CLSTN2: variants seen among roughly 807,000 people sequenced by gnomAD.
CLSTN2 encodes the protein calsyntenin-2.
In CLSTN2, 48 loss-of-function variants were observed where a neutral mutation model predicts 101.2. The ratio of observed to expected loss-of-function variants is 0.47; its 90% CI spans 0.38 to 0.60. The LOEUF (loss-of-function observed/expected upper bound fraction) is 0.60, where lower values mean the gene tolerates loss of function less well. Ranked by LOEUF, CLSTN2 falls within the 20% of genes least tolerant of loss-of-function variation. The pLI is 0.00. For synonymous variants in CLSTN2, 481 were observed against 463.6 expected, an observed-to-expected ratio of 1.04 and a Z score of -0.48; for missense variants, 1,160 against 1,238.2, an observed-to-expected ratio of 0.94 and a Z score of 0.95.
At chr3:140,299,451 G>T (rs1202922355) in intron 2 of CLSTN2, among the ~76,000 whole-genome samples, 1 of 152,192 alleles carries the variant, frequency 6.6e-6, no homozygotes, top group Non-Finnish European at 1.5e-5. Context: ...GTATCTACAT[G>T]CATATTCATA....
chr3:140,546,539 T>G lies in CLSTN2; in HGVS notation c.1532T>G (p.Phe511Cys), dbSNP rs1935587525. The change falls in exon 10 of 17, where the codon TTT (phenylalanine) becomes TGT (cysteine). Residue 511 changes from phenylalanine to cysteine, a missense_variant. Coordinates refer to ENST00000458420, the MANE Select transcript of CLSTN2 (RefSeq NM_022131.3). ...GGAGGAGAAGTCACCAAACCACAGT[T>G]TGCTCAGTTCTTTCATGGAAGCCTG... The part of the protein sequence containing the change: ...WQGGEVTKPQ[F>C]AQFFHGSLAS... 6.2e-7 allele frequency: 1 copy of G among 1,613,930 alleles called. No individual in the cohort carries two copies. The highest frequency in any genetic ancestry group is 1.7e-5 in the Admixed American group (1 of 59,996).
intron 2 of CLSTN2, among the ~76,000 whole-genome samples, chr3:140,285,116 T>C (rs2086883864): frequency 6.6e-6 from 1 of 152,126 alleles, no homozygotes; most frequent in Admixed American, 6.5e-5. Flanking sequence ...GGAGGAGCCA[T>C]GTGGAACAAT....
At chr3:140,338,130 CAGA>C (rs2107934016) in intron 2 of CLSTN2, among the ~76,000 whole-genome samples, 1 of 152,228 alleles carries the variant, frequency 6.6e-6, no homozygotes, top group East Asian at 1.9e-4. Flanking sequence ...CTTTCTGATG[CAGA>C]AGGTCATTGA....
At chr3:140,067,228 G>A (rs1453852534) in intron 1 of CLSTN2, among the ~76,000 whole-genome samples, 1 of 149,722 alleles carries the variant, frequency 6.7e-6, no homozygotes, top group Admixed American at 6.7e-5. Context: ...TCCAAGCAGA[G>A]TAACACATGC....
intron 1 of CLSTN2, among the ~76,000 whole-genome samples, chr3:140,025,737 A>C (rs1196014433): frequency 6.6e-6 from 1 of 152,202 alleles, no homozygotes; most frequent in Non-Finnish European, 1.5e-5. Context: ...CAAAATCTTC[A>C]GTGATATCTG....
At chr3:140,267,048 T>C (rs2086699119) in intron 2 of CLSTN2, among the ~76,000 whole-genome samples, 1 of 152,188 alleles carries the variant, frequency 6.6e-6, no homozygotes, top group South Asian at 2.1e-4. Context: ...TTTTTATTCC[T>C]GGATTAAAGC....
chr3:139,994,756 G>A (rs1003809355), intron 1 of CLSTN2, among the ~76,000 whole-genome samples: 22 of 152,306 alleles, frequency 1.4e-4, no homozygotes, highest in East Asian at 7.7e-4. Flanking sequence ...TGGAGGAACT[G>A]AGTAGGAAAT....
chr3:140,108,445 A>AC (rs2009098780), intron 1 of CLSTN2, among the ~76,000 whole-genome samples: 1 of 151,994 alleles, frequency 6.6e-6, no homozygotes, highest in Admixed American at 6.6e-5. Context: ...GGCTGAATCC[A>AC]CCCCTCCCTG....
chr3:140,472,912 A>G (rs1403010123), intron 8 of CLSTN2, among the ~76,000 whole-genome samples: 2 of 152,122 alleles, frequency 1.3e-5, no homozygotes, highest in African/African-American at 4.8e-5. Context: ...AGCCCCAGTC[A>G]TATTCTAGTC....
At chr3:140,075,599 C>A (rs544309712) in intron 1 of CLSTN2, among the ~76,000 whole-genome samples, 2 of 152,252 alleles carry the variant, frequency 1.3e-5, no homozygotes, top group Admixed American at 6.5e-5. Flanking sequence ...TTATGCCATC[C>A]CTGCTCAGGT....
chr3:140,470,085 A>G (rs565605555), intron 8 of CLSTN2, among the ~76,000 whole-genome samples: 7 of 152,272 alleles, frequency 4.6e-5, no homozygotes, highest in African/African-American at 1.4e-4. Flanking sequence ...TGTATTGTCT[A>G]TATTTTAACT....
chr3:139,982,375 T>TG (rs893344521), intron 1 of CLSTN2, among the ~76,000 whole-genome samples: 3 of 151,914 alleles, frequency 2.0e-5, no homozygotes, highest in Non-Finnish European at 4.4e-5. Context: ...TAAATTTTTT[T>TG]TTAGTTACAA....
At chr3:140,380,229 G>A (rs2107963878) in intron 2 of CLSTN2, among the ~76,000 whole-genome samples, 1 of 152,304 alleles carries the variant, frequency 6.6e-6, no homozygotes, top group East Asian at 1.9e-4. Context: ...TTGGGAGTGT[G>A]TGTCTGTCAC....
At chr3:140,461,519 G>T (rs906171720) in intron 7 of CLSTN2, 3 of 152,212 alleles carry the variant, frequency 2.0e-5, no homozygotes, top group Admixed American at 2.0e-4. Flanking sequence ...GAGGAAATTG[G>T]AATATGGAAG....
intron 1 of CLSTN2, among the ~76,000 whole-genome samples, chr3:140,038,684 T>G (rs1197990628): frequency 4.6e-5 from 7 of 152,190 alleles, no homozygotes; most frequent in African/African-American, 1.7e-4. Context: ...AATTCCTCAC[T>G]ATCATGAAAT....
At chr3:140,181,228 T>C (rs2010403081) in intron 2 of CLSTN2, among the ~76,000 whole-genome samples, 1 of 152,214 alleles carries the variant, frequency 6.6e-6, no homozygotes, top group Admixed American at 6.5e-5. Flanking sequence ...GGTGTTAATA[T>C]GTAGATTAAG....
intron 1 of CLSTN2, among the ~76,000 whole-genome samples, chr3:139,969,921 G>T (rs1935665919): frequency 6.6e-6 from 1 of 152,102 alleles, no homozygotes; most frequent in South Asian, 2.1e-4. Context: ...AGAGTCTGTG[G>T]GTAACTTGAA....
At chr3:140,373,112 GAA>G (rs1383439855) in intron 2 of CLSTN2, among the ~76,000 whole-genome samples, 3 of 152,152 alleles carry the variant, frequency 2.0e-5, no homozygotes, top group Non-Finnish European at 2.9e-5. Context: ...AAAAGGCTCT[GAA>G]AAGTCTTGCA....
At chr3:139,940,371 T>C (rs1001170062) in intron 1 of CLSTN2, among the ~76,000 whole-genome samples, 2 of 152,208 alleles carry the variant, frequency 1.3e-5, no homozygotes, top group African/African-American at 4.8e-5. Context: ...AGTTAACCCA[T>C]CTGAGACTCA....
Sources: allele counts gnomAD v4.1 joint callset (sites outside exome capture counted in the v4.1 genomes callset), GRCh38; gene constraint gnomAD v4.1.1; transcripts MANE v1.5; gene names NCBI Gene and HGNC (gene_info 2026-07-23, HGNC 2026-07-21).